VIPR1: variants seen among roughly 807,000 people sequenced by gnomAD.
VIPR1 encodes vasoactive intestinal polypeptide receptor 1.
A neutral mutation model predicts 58.8 loss-of-function variants in VIPR1; 59 were observed. The ratio of observed to expected loss-of-function variants is 1.00; its 90% CI spans 0.81 to 1.25. The LOEUF is 1.25. Ranked by LOEUF, VIPR1 falls within the 50% of genes most tolerant of loss-of-function variation. The pLI is 0.00. For synonymous variants in VIPR1, 251 were observed against 242.1 expected (o/e 1.04, Z -0.34); for missense variants, 626 against 602.7 (o/e 1.04, Z -0.40).
chr3:42,522,097 ATATATTTT>A (rs1700960278), intron 3 of VIPR1, among the ~76,000 whole-genome samples: 3 of 44,142 alleles, frequency 6.8e-5, no homozygotes, highest in African/African-American at 4.1e-4. Flanking sequence ...ATATATATAT[ATATATTTT>A]TTTTTTTTTT....
upstream of VIPR1, among the ~76,000 whole-genome samples, chr3:42,498,017 C>T (rs1438994271): frequency 6.6e-6 from 1 of 152,222 alleles, no homozygotes; most frequent in Admixed American, 6.5e-5. Context: ...CAGGTTTTTC[C>T]TCTCTGCCCA....
In VIPR1 at chr3:42,531,469, A is replaced by G; in HGVS notation, c.791-2A>G. The G allele has an allele frequency of 6.3e-7, 1 of 1,579,326 alleles. No homozygotes were observed. Reference sequence around the variant, plus strand: ...CTCTTTCACTCTCCCTGGGCCTGACAGGGGTACCCAGCACATTCACCATGG... The same window carrying G: ...CTCTTTCACTCTCCCTGGGCCTGACGGGGGTACCCAGCACATTCACCATGG... On this transcript the variant is annotated splice_acceptor_variant, in intron 7 of 12. Coordinates refer to ENST00000325123, the MANE Select transcript of VIPR1 (RefSeq NM_004624.4). LOFTEE classifies it high-confidence loss of function.
At chr3:42,524,206 A>C (rs1432998699) in intron 3 of VIPR1, among the ~76,000 whole-genome samples, 1 of 152,192 alleles carries the variant, frequency 6.6e-6, no homozygotes, top group Admixed American at 6.5e-5. Context: ...CAGAGCCTGC[A>C]GTTAGCTCCC....
chr3:42,508,606 A>G (rs919582516), intron 1 of VIPR1, among the ~76,000 whole-genome samples: 3 of 152,212 alleles, frequency 2.0e-5, no homozygotes, highest in Non-Finnish European at 2.9e-5. Context: ...GCTGCCCTGC[A>G]ATGAGGGGAA....
chr3:42,518,588 A>T (rs1210675840), intron 2 of VIPR1, among the ~76,000 whole-genome samples: 2 of 152,060 alleles, frequency 1.3e-5, no homozygotes, highest in South Asian at 4.1e-4. Flanking sequence ...AAAATACAAA[A>T]ATTAGCCGGG....
chr3:42,519,175 G>A, intron 2 of VIPR1, 48 bp from the exon 3 acceptor site: 1 of 1,462,158 alleles, frequency 6.8e-7, no homozygotes, highest in African/African-American at 1.4e-5. Context: ...CAGGGCTGGA[G>A]GCACCTGCAC....
intron 1 of VIPR1, among the ~76,000 whole-genome samples, chr3:42,505,631 G>A (rs908915334): frequency 1.3e-5 from 2 of 152,238 alleles, no homozygotes; most frequent in East Asian, 3.9e-4. Context: ...GGAAAAGCGA[G>A]CCCTTTTGGA....
At position 42,522,260 on chromosome 3, in the gene VIPR1, C is replaced by T. The variant is rs536049073; in HGVS notation, c.292+2930C>T. On this transcript the variant is annotated intron_variant, in intron 3 of 12. Coordinates refer to ENST00000325123, the MANE Select transcript of VIPR1 (RefSeq NM_004624.4). Reference sequence around the variant, plus strand: ...CCCAGTAGCTGGGACTGCAGGCGCCCGCCACCACACCTAATTTTTTGTATT... The same window carrying T: ...CCCAGTAGCTGGGACTGCAGGCGCCTGCCACCACACCTAATTTTTTGTATT... Among the ~76,000 whole-genome samples the T allele has an allele frequency of 5.6e-4, 84 of 150,896 alleles. No homozygotes were observed. In the East Asian group the frequency reaches 0.013, roughly 24 times the overall value.
intron 6 of VIPR1, among the ~76,000 whole-genome samples, chr3:42,529,076 A>G (rs2125672232): frequency 6.6e-6 from 1 of 152,330 alleles, no homozygotes; most frequent in Non-Finnish European, 1.5e-5. Flanking sequence ...CATGTTACGG[A>G]TAATTATGGA....
chr3:42,506,467 ATTG>A (rs1700124954), intron 1 of VIPR1: 1 of 152,242 alleles, frequency 6.6e-6, no homozygotes, highest in Non-Finnish European at 1.5e-5. Context: ...AATGATTTTT[ATTG>A]TACCCATTGA....
At chr3:42,532,094 ACCTG>A (rs1454491329) in intron 9 of VIPR1, 144 bp from the exon 10 acceptor site, 4 of 939,684 alleles carry the variant, frequency 4.3e-6, no homozygotes, top group Non-Finnish European at 6.6e-6. Flanking sequence ...TTCCCGGATG[ACCTG>A]CCCAAAGGGG....
chr3:42,536,225 G>A lies in VIPR1; in HGVS notation c.1318G>A (p.Val440Ile), dbSNP rs1367894199. ...CSTQVSMLTR[V>I]SPGARRSSSF... The stretch of plus-strand genomic sequence containing the variant: ...CACGCAGGTTTCCATGCTGACCCGC[G>A]TCAGCCCAGGTGCCCGCCGCTCCTC... The change falls in exon 13 of 13, where the codon GTC becomes ATC. Residue 440 changes from valine to isoleucine, a missense_variant. Physicochemically the swap from Val to Ile is conservative, Grantham distance 29 (BLOSUM62 3). Transcript: ENST00000325123. The A allele has an allele frequency of 6.3e-7, 1 of 1,580,864 alleles. No homozygotes were observed.
chr3:42,519,397 GA>G (rs1464071416), intron 3 of VIPR1, 67 bp downstream of exon 3: 2 of 1,407,682 alleles, frequency 1.4e-6, no homozygotes, highest in African/African-American at 2.9e-5. Flanking sequence ...ACCTCTCAAG[GA>G]AGTGGAAAGG....
At chr3:42,500,915 G>T (rs540696569), upstream of VIPR1, among the ~76,000 whole-genome samples, 76 of 152,300 alleles carry the variant, frequency 5.0e-4, no homozygotes, top group Non-Finnish European at 7.9e-4. Context: ...GGTAGAAATT[G>T]CAGGGAGTAC....
chr3:42,525,080 G>A (rs1384739646), intron 3 of VIPR1, among the ~76,000 whole-genome samples: 1 of 152,048 alleles, frequency 6.6e-6, no homozygotes, highest in African/African-American at 2.4e-5. Flanking sequence ...CTGAGATGGG[G>A]AAGCGTGATT....
At chr3:42,498,516 T>C (rs932813896), upstream of VIPR1, among the ~76,000 whole-genome samples, 7 of 152,186 alleles carry the variant, frequency 4.6e-5, no homozygotes, top group African/African-American at 1.4e-4. Flanking sequence ...GGACCTGAAC[T>C]GACACACCTA....
Position 42,502,749 on chromosome 3 carries a change from G to T in VIPR1, c.14G>T (p.Ser5Ile). 1 of 1,312,062 alleles carries T rather than the reference G, an allele frequency of 7.6e-7. No homozygotes were observed. The highest frequency in any genetic ancestry group is 9.7e-7 in the Non-Finnish European group (1 of 1,033,406). 81.3% of individuals were successfully genotyped at this position (1,312,062 alleles called of 1,614,324 possible). Residue 5 changes from serine to isoleucine, a missense_variant, in exon 1 of 13, where the codon AGT (serine) becomes ATT (isoleucine). Coordinates refer to ENST00000325123, the MANE Select transcript of VIPR1 (RefSeq NM_004624.4). The stretch of plus-strand genomic sequence containing the variant: ...TCAGGGCAGACCATGCGCCCGCCAA[G>T]TCCGCTGCCCGCCCGCTGGCTATGC... The part of the protein sequence containing the change: MRPP[S>I]PLPARWLCVL...
chr3:42,519,920 C>T (rs188668911), intron 3 of VIPR1, among the ~76,000 whole-genome samples: 255 of 152,298 alleles, frequency 1.7e-3, no homozygotes, highest in African/African-American at 4.9e-3. Flanking sequence ...AAACAGCCCC[C>T]GGGGCTGCTC....
At chr3:42,531,043 C>A in intron 7 of VIPR1, 111 bp downstream of exon 7, 1 of 1,353,212 alleles carries the variant, frequency 7.4e-7, no homozygotes, top group Non-Finnish European at 1.0e-6. Flanking sequence ...TGCTTAGCTG[C>A]AGGTCCTGCC....
Sources: allele counts gnomAD v4.1 joint callset (sites outside exome capture counted in the v4.1 genomes callset), GRCh38; gene constraint gnomAD v4.1.1; transcripts MANE v1.5; gene names NCBI Gene and HGNC (gene_info 2026-07-23, HGNC 2026-07-21).